Variants in ASIC2 observed in about 807,000 individuals in gnomAD.
ASIC2 encodes the protein acid-sensing ion channel 2.
ASIC2 carries 25 observed loss-of-function variants against 57.3 expected under a neutral mutation model. The ratio of observed to expected loss-of-function variants is 0.44; its 90% CI spans 0.32 to 0.61. The LOEUF (loss-of-function observed/expected upper bound fraction) is 0.61. Among genes scored for constraint, ASIC2 ranks in the 20% least tolerant of loss-of-function variants. ASIC2 has a pLI of 0.06. For synonymous variants in ASIC2, 319 were observed against 307.5 expected, an observed-to-expected ratio of 1.04 and a Z score of -0.39; for missense variants, 641 against 738.1, an observed-to-expected ratio of 0.87 and a Z score of 1.52.
At chr17:33,476,514 T>TGC (rs751914505) in intron 1 of ASIC2, among the ~76,000 whole-genome samples, 32,639 of 94,390 alleles carry the variant, frequency 0.35, 3,982 homozygotes, top group Non-Finnish European at 0.39. Context: ...CATATATATA[T>TGC]ATATATATAT....
At chr17:33,129,667 G>C (rs1408996600) in intron 1 of ASIC2, among the ~76,000 whole-genome samples, 4 of 152,178 alleles carry the variant, frequency 2.6e-5, no homozygotes, top group African/African-American at 9.7e-5. Context: ...GGATGACCCT[G>C]TATGGCAGAT....
upstream of ASIC2, among the ~76,000 whole-genome samples, chr17:33,295,361 C>T (rs530759749): frequency 1.1e-4 from 16 of 152,300 alleles, no homozygotes; most frequent in South Asian, 3.3e-3. Context: ...ATTGATGGCT[C>T]TCTTTATGGC....
Position 33,594,286 on chromosome 17 carries a change from T to G in ASIC2, c.556-482219A>C, listed in dbSNP as rs374785029. On this transcript the variant is annotated intron_variant, in intron 1 of 9. Coordinates refer to the ASIC2 transcript ENST00000359872. ...CCTGCTTTCAGAGCTGTCTCTGGTT[T>G]GCTCTGATTTTAGGCCAACCCCCAT... Among the ~76,000 whole-genome samples, 6 of 152,388 alleles carry G rather than the reference T, an allele frequency of 3.9e-5. No homozygotes were observed. In the East Asian group the frequency reaches 9.6e-4, roughly 24 times the overall value.
At chr17:33,132,818 G>A (rs928203602) in intron 1 of ASIC2, among the ~76,000 whole-genome samples, 4 of 152,076 alleles carry the variant, frequency 2.6e-5, no homozygotes, top group Non-Finnish European at 5.9e-5. Flanking sequence ...AAATTGTTAC[G>A]TCCTGCTTTT....
chr17:33,981,973 G>A (rs190599869), intron 1 of ASIC2, among the ~76,000 whole-genome samples: 1 of 152,260 alleles, frequency 6.6e-6, no homozygotes, highest in Non-Finnish European at 1.5e-5. Flanking sequence ...GGCACCAACC[G>A]GAAGGTTGAG....
chr17:33,503,258 C>G (rs1292772604), intron 1 of ASIC2, among the ~76,000 whole-genome samples: 1 of 152,158 alleles, frequency 6.6e-6, no homozygotes, highest in Non-Finnish European at 1.5e-5. Flanking sequence ...GATAAACAGA[C>G]AAGTGGGTTT....
At chr17:33,448,620 TC>T in intron 1 of ASIC2, among the ~76,000 whole-genome samples, 1 of 152,314 alleles carries the variant, frequency 6.6e-6, no homozygotes, top group South Asian at 2.1e-4. Flanking sequence ...AATGTATTTT[TC>T]CCTATAGCCC....
intron 1 of ASIC2, among the ~76,000 whole-genome samples, chr17:33,521,764 G>T (rs181789211): frequency 6.6e-6 from 1 of 152,126 alleles, no homozygotes; most frequent in South Asian, 2.1e-4. Flanking sequence ...CATGCCCCAC[G>T]GTCATCATCT....
chr17:33,835,737 T>C (rs563532467), intron 1 of ASIC2, among the ~76,000 whole-genome samples: 2 of 152,298 alleles, frequency 1.3e-5, no homozygotes, highest in Non-Finnish European at 2.9e-5. Flanking sequence ...TTTCAATCAC[T>C]GACATTTTAT....
intron 1 of ASIC2, among the ~76,000 whole-genome samples, chr17:33,768,045 G>A (rs564166349): frequency 6.7e-6 from 1 of 149,760 alleles, no homozygotes; most frequent in African/African-American, 2.5e-5. Flanking sequence ...GTCTCACTCT[G>A]TTGCCCAGGC....
intron 1 of ASIC2, among the ~76,000 whole-genome samples, chr17:33,700,049 G>T (rs1322832034): frequency 6.6e-6 from 1 of 152,120 alleles, no homozygotes; most frequent in African/African-American, 2.4e-5. Context: ...GCTACCCTGA[G>T]ACAAGGATGC....
At position 33,192,878 on chromosome 17, in the gene ASIC2, G is replaced by A. The variant is rs544225161; in HGVS notation, c.709-80811C>T. Among the ~76,000 whole-genome samples, 25 of 151,690 alleles carry A rather than the reference G, an allele frequency of 1.6e-4. No individual in the cohort carries two copies. In the East Asian group the frequency reaches 2.9e-3, roughly 18 times the overall value. On this transcript the variant is annotated intron_variant, in intron 1 of 9. Transcript: ENST00000225823. ...GTTTTAAAAATACACATTTTTTTCC[G>A]CCATGTGATTAAATATAGCTATTTT...
intron 1 of ASIC2, among the ~76,000 whole-genome samples, chr17:33,370,782 T>A (rs1250303483): frequency 6.6e-6 from 1 of 152,216 alleles, no homozygotes; most frequent in Non-Finnish European, 1.5e-5. Context: ...AGCCTGCCAC[T>A]TGGGCAAGTT....
chr17:34,077,739 G>C lies in ASIC2; in HGVS notation c.555+78239C>G, dbSNP rs1258233458. Among the ~76,000 whole-genome samples, 3 of 152,136 alleles carry C rather than the reference G, an allele frequency of 2.0e-5. No homozygotes were observed. In the South Asian group the frequency reaches 6.2e-4, roughly 32 times the overall value. ...TTGCCCACTGCCATCACCTCCTTTT[G>C]AGCTCCAGCCCCTGAAGCTGGCCTT... On this transcript the variant is annotated intron_variant, in intron 1 of 9. Transcript: ENST00000359872.
rs563414489 is a variant in ASIC2 at position 33,041,335 on chromosome 17, GA to G, written c.988-12944del. ...TGTTGAGTCTGAGTCTTTAGGTTAG[GA>G]AAGCACTTATGAAAGTCCTTCATTC... On this transcript the variant is annotated intron_variant, in intron 3 of 9. Coordinates refer to ENST00000225823, the MANE Select transcript of ASIC2 (RefSeq NM_183377.2). Among the ~76,000 whole-genome samples, 33 of 152,294 alleles carry G rather than the reference GA, an allele frequency of 2.2e-4. No homozygotes were observed. In the East Asian group the frequency reaches 6.2e-3, roughly 28 times the overall value.
intron 1 of ASIC2, among the ~76,000 whole-genome samples, chr17:33,311,229 A>T (rs902733887): frequency 6.6e-6 from 1 of 152,180 alleles, no homozygotes; most frequent in African/African-American, 2.4e-5. Flanking sequence ...TGACTGGCCC[A>T]TTTCATAGAT....
At chr17:33,213,173 C>A (rs1049717951) in intron 1 of ASIC2, among the ~76,000 whole-genome samples, 4 of 152,210 alleles carry the variant, frequency 2.6e-5, no homozygotes, top group African/African-American at 7.2e-5. Context: ...GGATAACAAT[C>A]CCACAGGGGG....
At chr17:33,826,482 T>C (rs969777477) in intron 1 of ASIC2, among the ~76,000 whole-genome samples, 3 of 152,194 alleles carry the variant, frequency 2.0e-5, no homozygotes, top group African/African-American at 4.8e-5. Context: ...TTCATGAAGG[T>C]CACCTTTCCC....
intron 1 of ASIC2, among the ~76,000 whole-genome samples, chr17:34,059,037 G>A (rs1567804308): frequency 6.6e-6 from 1 of 152,184 alleles, no homozygotes; most frequent in Non-Finnish European, 1.5e-5. Flanking sequence ...TCCGGACAGA[G>A]CAGCATGTGG....
Sources: gnomAD v4.1 joint callset for allele counts (sites outside exome capture counted in the v4.1 genomes callset) on GRCh38, gnomAD v4.1.1 for gene constraint, MANE v1.5 for transcripts, NCBI Gene and HGNC (gene_info 2026-07-23, HGNC 2026-07-21) for gene names.